Variants in ADGRB1 observed in about 807,000 individuals in gnomAD.
ADGRB1 encodes the protein adhesion G protein-coupled receptor B1.
A neutral mutation model predicts 175.7 loss-of-function variants in ADGRB1; 36 were observed. The ratio of observed to expected loss-of-function variants is 0.20; its 90% CI spans 0.16 to 0.27. The LOEUF (loss-of-function observed/expected upper bound fraction) is 0.27. Ranked by LOEUF, ADGRB1 falls within the 10% of genes least tolerant of loss-of-function variation. The probability of loss-of-function intolerance (pLI) is 1.00; values close to 1 mark genes in which losing one functional copy is unlikely to be tolerated. For missense variants in ADGRB1, 1,731 were observed against 2,255.3 expected (o/e 0.77, Z 4.71); for synonymous variants, 1,054 against 979.4 (o/e 1.08, Z -1.42).
In ADGRB1 at chr8:142,464,106, C is replaced by A; in HGVS notation, c.-93C>A. ...GCCCCGCCTCCCTGCCCCCACCGGG[C>A]CGGCCCTGCCCGCCGCCGGACCCTG... On this transcript the variant is annotated 5_prime_UTR_variant, in exon 2 of 31. Transcript: ENST00000517894. The A allele has an allele frequency of 1.4e-6, 1 of 718,230 alleles. No homozygotes were observed. Among genetic ancestry groups the A allele is most frequent in the Non-Finnish European group, 1.8e-6 (1 of 568,676 alleles). 44.5% of individuals were successfully genotyped at this position (718,230 alleles called of 1,614,324 possible). A position where few individuals can be genotyped will look rare whatever the true frequency, so the allele number is the denominator to read the frequency against.
At chr8:142,519,519 G>A (rs1311513474) in intron 19 of ADGRB1, among the ~76,000 whole-genome samples, 1 of 151,864 alleles carries the variant, frequency 6.6e-6, no homozygotes, top group Non-Finnish European at 1.5e-5. Context: ...GATGATGGTG[G>A]TAATGGTGAT....
At chr8:142,479,192 A>C in intron 7 of ADGRB1, 131 bp from the exon 8 acceptor site, 1 of 1,054,846 alleles carries the variant, frequency 9.5e-7, no homozygotes, top group Non-Finnish European at 1.2e-6. Flanking sequence ...CCTGCCCCAC[A>C]TTCCTGGGTC....
In ADGRB1 at chr8:142,483,840, G is replaced by C. The variant is rs1841519423; in HGVS notation, c.2131-137G>C. 5.3e-5 allele frequency: 47 copies of C among 892,778 alleles called. No individual in the cohort carries two copies. The South Asian group carries it at 6.8e-4, about 13-fold the overall frequency. The allele number at this position is 892,778 out of a possible 1,614,324, so 55.3% of individuals were successfully genotyped here. On this transcript the variant is annotated intron_variant, in intron 11 of 30. Transcript: ENST00000517894. ...CTGGTCACAGTGAGCTCTGACCCTGGTCACACACTGAGCCCTGATCCTGGT... is the reference window on the plus strand; with the variant it reads ...CTGGTCACAGTGAGCTCTGACCCTGCTCACACACTGAGCCCTGATCCTGGT...
intron 19 of ADGRB1, among the ~76,000 whole-genome samples, chr8:142,520,212 A>ATGG (rs755543270): frequency 3.0e-5 from 2 of 67,326 alleles, no homozygotes; most frequent in African/African-American, 5.8e-5. Context: ...GATTATGGTG[A>ATGG]TGGTGGTGGT....
chr8:142,522,241 G>A, intron 21 of ADGRB1, 126 bp downstream of exon 21: 1 of 1,353,530 alleles, frequency 7.4e-7, no homozygotes, highest in Non-Finnish European at 9.9e-7. Context: ...CTGCTTGGGT[G>A]GGCTTCCCCC....
intron 17 of ADGRB1, among the ~76,000 whole-genome samples, chr8:142,496,177 C>T (rs1842206094): frequency 7.1e-6 from 1 of 141,738 alleles, no homozygotes; most frequent in Admixed American, 7.2e-5. Flanking sequence ...GCGTGAATGA[C>T]TGAATGTGTG....
chr8:142,535,973 C>T (rs1362113090), intron 25 of ADGRB1, among the ~76,000 whole-genome samples: 4 of 152,286 alleles, frequency 2.6e-5, no homozygotes, highest in East Asian at 1.9e-4. Flanking sequence ...ACAATTCTCT[C>T]GCCCGCTTTG....
chr8:142,463,975 T>G lies in ADGRB1; in HGVS notation c.-219-5T>G, dbSNP rs1401865553. On this transcript the variant is annotated splice_polypyrimidine_tract_variant and splice_region_variant and intron_variant, in intron 1 of 30. Coordinates refer to ENST00000517894, the MANE Select transcript of ADGRB1 (RefSeq NM_001702.3). The stretch of plus-strand genomic sequence containing the variant: ...CACTCTGACCCTCTGCTCTTTCTCT[T>G]CCAGCTGCTGCTGGTGGCCACAGGC... 2.7e-6 allele frequency: 1 copy of G among 367,612 alleles called. No individual in the cohort carries two copies. The highest frequency in any genetic ancestry group is 4.2e-5 in the East Asian group (1 of 23,590). 22.8% of individuals were successfully genotyped at this position (367,612 alleles called of 1,614,324 possible).
intron 17 of ADGRB1, among the ~76,000 whole-genome samples, chr8:142,509,681 C>T (rs1028070723): frequency 2.6e-5 from 4 of 152,232 alleles, no homozygotes; most frequent in African/African-American, 4.8e-5. Context: ...GGAAGACCCT[C>T]GACTTGGGCT....
rs570412764 is a variant in ADGRB1 at position 142,482,945 on chromosome 8, T to C, written c.2131-1032T>C. ...ACAAACTGAGCCCTGATCCTGATCA[T>C]ACACTGAGCCCTGACCCTGGTCACA... On this transcript the variant is annotated intron_variant, in intron 11 of 30. Coordinates refer to ENST00000517894, the MANE Select transcript of ADGRB1 (RefSeq NM_001702.3). 2.2e-4 allele frequency among the ~76,000 whole-genome samples: 28 copies of C among 129,260 alleles called. 1 individual carries two copies. The highest frequency in any genetic ancestry group is 8.1e-4 in the African/African-American group (27 of 33,304). The allele number at this position is 129,260 out of a possible 152,430, so 84.8% of individuals were successfully genotyped here.
rs1288584221 is a variant in ADGRB1, at chr8:142,543,551, G to T, written c.4450-50G>T. The T allele has an allele frequency of 1.9e-6, 3 of 1,580,764 alleles. No homozygotes were observed. The highest frequency in any genetic ancestry group is 2.6e-6 in the Non-Finnish European group (3 of 1,162,600). The stretch of plus-strand genomic sequence containing the variant: ...GGGACGGGCGGGGCAGGCAGGATGG[G>T]CCATGCCCTCCTCCTGGCCCAGGAC... On this transcript the variant is annotated intron_variant, in intron 29 of 30. Transcript: ENST00000517894. This position sits in a 1 kb window ranked among gnomAD's most constrained non-coding sequence, Gnocchi z 4.4.
chr8:142,465,429 C>T (rs1415680384), intron 2 of ADGRB1, among the ~76,000 whole-genome samples: 4 of 152,118 alleles, frequency 2.6e-5, no homozygotes, highest in Non-Finnish European at 4.4e-5. Context: ...GCAGGAGCCT[C>T]TGGGGCTGGA....
intron 21 of ADGRB1, 134 bp from the exon 22 acceptor site, chr8:142,522,507 G>A: frequency 1.1e-6 from 1 of 887,250 alleles, no homozygotes; most frequent in Non-Finnish European, 1.7e-6. Context: ...CCCATCTCTT[G>A]CTCAGCCCCA....
chr8:142,532,358 C>A (rs567820445), intron 24 of ADGRB1, among the ~76,000 whole-genome samples: 3 of 152,220 alleles, frequency 2.0e-5, no homozygotes, highest in African/African-American at 7.2e-5. Context: ...AGGCCACGCG[C>A]GGAACCCAGT....
At position 142,534,730 on chromosome 8, in the gene ADGRB1, G is replaced by T. The variant is rs1027579388; in HGVS notation, c.3570+1264G>T. On this transcript the variant is annotated intron_variant, in intron 25 of 30. Coordinates refer to ENST00000517894, the MANE Select transcript of ADGRB1 (RefSeq NM_001702.3). Reference sequence around the variant, plus strand: ...ACCCAACCAGACAAGCAGGAAAACAGCGTGGGGACAGAGGCAGCCCAGGAA... The same window carrying T: ...ACCCAACCAGACAAGCAGGAAAACATCGTGGGGACAGAGGCAGCCCAGGAA... Among the ~76,000 whole-genome samples, 7 of 152,232 alleles carry T rather than the reference G, an allele frequency of 4.6e-5. 1 individual carries two copies. The highest frequency in any genetic ancestry group is 2.6e-4 in the Admixed American group (4 of 15,290).
At chr8:142,500,930 C>T (rs889422899) in intron 17 of ADGRB1, among the ~76,000 whole-genome samples, 7 of 152,066 alleles carry the variant, frequency 4.6e-5, no homozygotes, top group Admixed American at 1.3e-4. Flanking sequence ...GTGGTGATGG[C>T]GTGGATGCCC....
In ADGRB1 at chr8:142,477,494, C is replaced by A; in HGVS notation, c.1332C>A (p.Asn444Lys). Residue 444 changes from asparagine (N) to lysine (K), a missense_variant, in exon 6 of 31, where the codon AAC becomes AAA. Coordinates refer to ENST00000517894, the MANE Select transcript of ADGRB1 (RefSeq NM_001702.3). ...RTCRPPQFGG[N>K]PCEGPEKQTK... ...GCAGGCCCCCCCAGTTTGGGGGCAA[C>A]CCCTGTGAGGGCCCTGAGAAGCAAA... 1 of 1,613,210 alleles carries A rather than the reference C, an allele frequency of 6.2e-7. No homozygotes were observed. Among genetic ancestry groups the A allele is most frequent in the Non-Finnish European group, 8.5e-7 (1 of 1,179,824 alleles).
chr8:142,504,165 G>T lies in ADGRB1; in HGVS notation c.2676-6767G>T, dbSNP rs984289299. The stretch of plus-strand genomic sequence containing the variant: ...TTGCCCCCAGGCCCTGAGCTTGGAG[G>T]GGCTAGAGCTGACCCAGGCCTGCCC... On this transcript the variant is annotated intron_variant, in intron 17 of 30. Transcript: ENST00000517894. The surrounding 1 kb of genome is among the most constrained non-coding windows in gnomAD (Gnocchi z 5.6). Among the ~76,000 whole-genome samples, 4 of 152,348 alleles carry T rather than the reference G, an allele frequency of 2.6e-5. No homozygotes were observed. In the East Asian group the frequency reaches 7.7e-4, roughly 29 times the overall value.
chr8:142,543,025 G>T lies in ADGRB1; in HGVS notation c.4413+378G>T, dbSNP rs976806143. 3.3e-5 allele frequency among the ~76,000 whole-genome samples: 5 copies of T among 152,146 alleles called. No individual in the cohort carries two copies. The highest frequency in any genetic ancestry group is 7.4e-5 in the Non-Finnish European group (5 of 68,000). ...GTCAGCCTGTAGGATGTTGTTTTTG[G>T]GGGAGCCCGTCCCCACAGGATATGC... is the stretch of plus-strand genomic sequence containing the variant. On this transcript the variant is annotated intron_variant, in intron 28 of 30. Transcript: ENST00000517894. The surrounding 1 kb of genome is among the most constrained non-coding windows in gnomAD (Gnocchi z 4.4).
Sources: allele counts gnomAD v4.1 joint callset (sites outside exome capture counted in the v4.1 genomes callset), GRCh38; gene constraint gnomAD v4.1.1; non-coding constraint Gnocchi (gnomAD v3.1); transcripts MANE v1.5; gene names NCBI Gene and HGNC (gene_info 2026-07-23, HGNC 2026-07-21).